IL6ST: variants seen among roughly 807,000 people sequenced by gnomAD.
IL6ST encodes the protein interleukin 6 cytokine family signal transducer, also known as interleukin-6 receptor subunit beta.
IL6ST carries 24 observed loss-of-function variants against 91.3 expected under a neutral mutation model. That is an observed-to-expected ratio of 0.26 (90% CI 0.19 to 0.37). IL6ST has a LOEUF of 0.37. IL6ST is among the 10% of genes least tolerant of loss of function. IL6ST has a pLI of 1.00. For synonymous variants in IL6ST, 351 were observed against 373.6 expected (o/e 0.94, Z 0.70); for missense variants, 914 against 1,078.5 (o/e 0.85, Z 2.14).
At chr5:55,984,966 T>C (rs1753872164) in intron 1 of IL6ST, among the ~76,000 whole-genome samples, 1 of 152,222 alleles carries the variant, frequency 6.6e-6, no homozygotes, top group African/African-American at 2.4e-5. Context: ...AGGTGTGTGC[T>C]TGGCTATATC....
At chr5:55,952,175 T>C in intron 12 of IL6ST, 75 bp downstream of exon 12, 2 of 1,485,498 alleles carry the variant, frequency 1.3e-6, no homozygotes, top group Non-Finnish European at 1.9e-6. Flanking sequence ...TACATCTTTA[T>C]TTAAAAGCGA....
In IL6ST at chr5:55,943,827, T is replaced by C. The variant is rs60390708; in HGVS notation, c.1938-1076A>G. Among the ~76,000 whole-genome samples, 22 of 152,058 alleles carry C rather than the reference T, an allele frequency of 1.4e-4. No individual in the cohort carries two copies. The East Asian group carries it at 4.3e-3, about 29-fold the overall frequency. On this transcript the variant is annotated intron_variant, in intron 15 of 16. Transcript: ENST00000381298. ...GCTCACACCTGTAATCCCAACACTTTGGGAGGCTGAGGTGGGTGGATTACC... is the reference window on the plus strand; with the variant it reads ...GCTCACACCTGTAATCCCAACACTTCGGGAGGCTGAGGTGGGTGGATTACC...
rs751193472 is a variant in IL6ST, at chr5:55,954,894, C to T, written c.1366G>A (p.Glu456Lys). 1.2e-6 allele frequency: 2 copies of T among 1,613,210 alleles called. No homozygotes were observed. Among genetic ancestry groups the T allele is most frequent in the Admixed American group, 3.3e-5 (2 of 60,018 alleles). The change falls in exon 11 of 17, where the codon GAG becomes AAG. Residue 456 changes from glutamate (E) to lysine (K), a missense_variant. Coordinates refer to ENST00000381298, the MANE Select transcript of IL6ST (RefSeq NM_002184.4). ...GCTTTATCTGATAACACACACCACT[C>T]AAGTATATATTTCTTTACAGATTCC... is the stretch of plus-strand genomic sequence containing the variant. Reference protein sequence around the residue: ...PRESVKKYILEWCVLSDKAPC... With the variant: ...PRESVKKYILKWCVLSDKAPC...
rs1750640527 is a variant in IL6ST, at chr5:55,937,977, C to T, written c.*3105G>A. The T allele has an allele frequency of 5.2e-6, 1 of 193,900 alleles. No homozygotes were observed. The highest frequency in any genetic ancestry group is 1.9e-4 in the South Asian group (1 of 5,190). 12.0% of individuals were successfully genotyped at this position (193,900 alleles called of 1,614,324 possible). On this transcript the variant is annotated 3_prime_UTR_variant, in exon 17 of 17. Coordinates refer to ENST00000381298, the MANE Select transcript of IL6ST (RefSeq NM_002184.4). ...TATTTTAGGGAATTCTATGATTATT[C>T]TACTTCTACATTTACATGTCATGGT... is the stretch of plus-strand genomic sequence containing the variant.
At chr5:55,970,413 T>G (rs1242365831) in intron 3 of IL6ST, among the ~76,000 whole-genome samples, 1 of 152,150 alleles carries the variant, frequency 6.6e-6, no homozygotes, top group African/African-American at 2.4e-5. Flanking sequence ...GCCCTGGGTA[T>G]GATGGTTTGC....
chr5:55,943,206 C>T (rs1394782639), intron 15 of IL6ST, among the ~76,000 whole-genome samples: 4 of 152,070 alleles, frequency 2.6e-5, no homozygotes, highest in African/African-American at 9.7e-5. Flanking sequence ...ACTGACTCTC[C>T]TGTAGGAAAT....
chr5:55,948,775 A>G (rs984678126), intron 14 of IL6ST: 1 of 152,188 alleles, frequency 6.6e-6, no homozygotes, highest in Non-Finnish European at 1.5e-5. Flanking sequence ...ATACTAACTC[A>G]AGGCTCAAGT....
At chr5:55,974,112 A>C (rs1417992336) in intron 3 of IL6ST, among the ~76,000 whole-genome samples, 1 of 152,234 alleles carries the variant, frequency 6.6e-6, no homozygotes, top group East Asian at 1.9e-4. Flanking sequence ...GCTACCACAT[A>C]GTTACGTAAC....
At position 55,937,520 on chromosome 5, in the gene IL6ST, G is replaced by A. The variant is rs1297273365; in HGVS notation, c.*3562C>T. On this transcript the variant is annotated 3_prime_UTR_variant, in exon 17 of 17. Coordinates refer to ENST00000381298, the MANE Select transcript of IL6ST (RefSeq NM_002184.4). ...GAGTCTGAAAAGGAACTGCTGCCAAGGACCAGTCCAAAGAAGAATTAGGCT... is the reference window on the plus strand; with the variant it reads ...GAGTCTGAAAAGGAACTGCTGCCAAAGACCAGTCCAAAGAAGAATTAGGCT... 1 of 208,878 alleles carries A rather than the reference G, an allele frequency of 4.8e-6. No homozygotes were observed. Among genetic ancestry groups the A allele is most frequent in the Admixed American group, 5.9e-5 (1 of 16,980 alleles). The allele number at this position is 208,878 out of a possible 1,614,324, so 12.9% of individuals were successfully genotyped here. A position where few individuals can be genotyped will look rare whatever the true frequency, so the allele number is the denominator to read the frequency against.
intron 8 of IL6ST, among the ~76,000 whole-genome samples, chr5:55,958,525 AG>A (rs1752117253): frequency 6.6e-6 from 1 of 152,126 alleles, no homozygotes; most frequent in African/African-American, 2.4e-5. Flanking sequence ...CAGTAGAATA[AG>A]ACAGGAGTTG....
intron 8 of IL6ST, among the ~76,000 whole-genome samples, chr5:55,958,511 TAGTC>T (rs1752116590): frequency 6.6e-6 from 1 of 152,140 alleles, no homozygotes; most frequent in Admixed American, 6.6e-5. Flanking sequence ...CAAGATATGG[TAGTC>T]AGTAGAATAA....
rs112742393 is a variant in IL6ST, at chr5:55,958,254, T to G, written c.974-963A>C. 3.1e-3 allele frequency among the ~76,000 whole-genome samples: 467 copies of G among 152,252 alleles called. 3 individuals are homozygous for G. The highest frequency in any genetic ancestry group is 0.011 in the African/African-American group (451 of 41,560). ...CCAAGTAGCTGGGGTTTGGCCACCA[T>G]ACCCAGCCAAAACATAAATTGTTAA... On this transcript the variant is annotated intron_variant, in intron 8 of 16. Transcript: ENST00000381298.
intron 15 of IL6ST, among the ~76,000 whole-genome samples, chr5:55,943,837 A>G (rs1198969194): frequency 6.6e-6 from 1 of 152,202 alleles, no homozygotes; most frequent in African/African-American, 2.4e-5. Flanking sequence ...TGGGAGGCTG[A>G]GGTGGGTGGA....
At chr5:55,980,781 T>C (rs1753613621) in intron 2 of IL6ST, among the ~76,000 whole-genome samples, 1 of 152,222 alleles carries the variant, frequency 6.6e-6, no homozygotes, top group South Asian at 2.1e-4. Context: ...TGATGAGAAA[T>C]GGCTTCCTAG....
chr5:55,946,572 T>G (rs1460467072), intron 15 of IL6ST, among the ~76,000 whole-genome samples: 1 of 152,132 alleles, frequency 6.6e-6, no homozygotes, highest in Non-Finnish European at 1.5e-5. Context: ...TCCCAGCACT[T>G]TTGGGAAGCC....
intron 3 of IL6ST, among the ~76,000 whole-genome samples, chr5:55,975,916 A>C (rs931429377): frequency 3.3e-5 from 5 of 151,116 alleles, no homozygotes; most frequent in African/African-American, 1.2e-4. Flanking sequence ...AAAAAAAAAA[A>C]CCCACACACT....
chr5:55,984,086 AT>A (rs2111908010), intron 1 of IL6ST, among the ~76,000 whole-genome samples: 1 of 152,112 alleles, frequency 6.6e-6, no homozygotes, highest in African/African-American at 2.4e-5. Flanking sequence ...GATAATAAAT[AT>A]TTTAGATTTC....
rs2111803790 is a variant in IL6ST at position 55,968,412 on chromosome 5, T to C, written c.371-16A>G. The C allele has an allele frequency of 1.2e-6, 2 of 1,608,492 alleles. No individual in the cohort carries two copies. The highest frequency in any genetic ancestry group is 4.5e-5 in the East Asian group (2 of 44,658). ...TCTGGAGGCACTAAAAGGGATTAAT[T>C]AGCATCTTTCAGAAAGCTTTATATC... On this transcript the variant is annotated splice_polypyrimidine_tract_variant and intron_variant, in intron 4 of 16. Coordinates refer to ENST00000381298, the MANE Select transcript of IL6ST (RefSeq NM_002184.4).
chr5:55,967,097 G>T (rs2111792965), intron 5 of IL6ST, among the ~76,000 whole-genome samples: 1 of 151,824 alleles, frequency 6.6e-6, no homozygotes, highest in East Asian at 1.9e-4. Context: ...AGATCACGAG[G>T]TCAGGAGTTC....
Sources: allele counts gnomAD v4.1 joint callset (sites outside exome capture counted in the v4.1 genomes callset), GRCh38; gene constraint gnomAD v4.1.1; transcripts MANE v1.5; gene names NCBI Gene and HGNC (gene_info 2026-07-23, HGNC 2026-07-21).